SLIT1: variants seen among roughly 807,000 people sequenced by gnomAD.
SLIT1 encodes slit guidance ligand 1, also known as slit homolog 1 protein.
SLIT1 carries 66 observed loss-of-function variants against 186.1 expected under a neutral mutation model. The observed-to-expected ratio is 0.35, with a 90% CI of 0.29 to 0.44. The LOEUF is 0.44. Among genes scored for constraint, SLIT1 ranks in the 20% least tolerant of loss-of-function variants. SLIT1 has a pLI of 1.00. For synonymous variants in SLIT1, 761 were observed against 833.8 expected (o/e 0.91, Z 1.50); for missense variants, 1,638 against 2,037.4 (o/e 0.80, Z 3.77).
chr10:97,097,855 G>T (rs117172728), intron 4 of SLIT1, among the ~76,000 whole-genome samples: 80 of 152,276 alleles, frequency 5.3e-4, no homozygotes, highest in East Asian at 3.7e-3. Context: ...ATCAGTCCTC[G>T]TACTTCTCTG....
chr10:97,074,914 G>A (rs569616198), intron 4 of SLIT1, among the ~76,000 whole-genome samples: 1 of 152,348 alleles, frequency 6.6e-6, no homozygotes, highest in African/African-American at 2.4e-5. Context: ...CTGCCTTCAC[G>A]CTCTAACCTG....
At position 97,068,842 on chromosome 10, in the gene SLIT1, C is replaced by T. The variant is rs1006782176; in HGVS notation, c.414-2756G>A. On this transcript the variant is annotated intron_variant, in intron 4 of 36. Coordinates refer to ENST00000266058, the MANE Select transcript of SLIT1 (RefSeq NM_003061.3). This position sits in a 1 kb window ranked among gnomAD's most constrained non-coding sequence, Gnocchi z 4.2. ...CCATTTAGGCTACTCCCCAGAGGGC[C>T]CCCAGTGGCCTACTCCCCGATGCCT... Among the ~76,000 whole-genome samples, 2 of 152,202 alleles carry T rather than the reference C, an allele frequency of 1.3e-5. No individual in the cohort carries two copies. Among genetic ancestry groups the T allele is most frequent in the Non-Finnish European group, 2.9e-5 (2 of 68,038 alleles).
intron 13 of SLIT1, 135 bp downstream of exon 13, chr10:97,056,186 G>T: frequency 1.1e-6 from 1 of 916,716 alleles, no homozygotes; most frequent in Non-Finnish European, 1.7e-6. Flanking sequence ...CCAGGTCTGT[G>T]TCCTTCCTCT....
Position 97,097,934 on chromosome 10 carries a change from C to T in SLIT1, c.414-31848G>A, listed in dbSNP as rs191461916. On this transcript the variant is annotated intron_variant, in intron 4 of 36. Coordinates refer to ENST00000266058, the MANE Select transcript of SLIT1 (RefSeq NM_003061.3). ...CAGAGTGCTTCCTTTCACTTCCACA[C>T]GTACATTTGCAATCACCAGCCTAAC... Among the ~76,000 whole-genome samples, 912 of 152,322 alleles carry T rather than the reference C, an allele frequency of 6.0e-3. 9 individuals carry two copies. The highest frequency in any genetic ancestry group is 0.021 in the African/African-American group (885 of 41,570).
rs1293484856 is a variant in SLIT1 at position 97,006,537 on chromosome 10, A to G, written c.3525T>C (p.Thr1175=). ...TTTGCAGGTCAGTGAACTGCAGGTA[A>G]GTGTCCCGATCCACAAAGTTGACAC... ...LLSVNFVDRD[T]YLQFTDLQNW... is the part of the protein sequence containing the mutation. Residue 1175 remains threonine, a synonymous_variant, in exon 32 of 37, where the codon ACT becomes ACC. Transcript: ENST00000266058. The surrounding 1 kb of genome is among the most constrained non-coding windows in gnomAD (Gnocchi z 4.0). 1 of 1,614,110 alleles carries G rather than the reference A, an allele frequency of 6.2e-7. No individual in the cohort carries two copies. Among genetic ancestry groups the G allele is most frequent in the Non-Finnish European group, 8.5e-7 (1 of 1,180,044 alleles).
rs986604592 is a variant in SLIT1, at chr10:97,068,685, C to T, written c.414-2599G>A. ...GTGGGGGAAGCTTCCTCCTCCCGCA[C>T]TCGCCCGGCCCCACCTTCCCTTCCT... On this transcript the variant is annotated intron_variant, in intron 4 of 36. Coordinates refer to ENST00000266058, the MANE Select transcript of SLIT1 (RefSeq NM_003061.3). This position sits in a 1 kb window ranked among gnomAD's most constrained non-coding sequence, Gnocchi z 4.2. 6.6e-6 allele frequency among the ~76,000 whole-genome samples: 1 copy of T among 152,330 alleles called. No homozygotes were observed. Among genetic ancestry groups the T allele is most frequent in the South Asian group, 2.1e-4 (1 of 4,830 alleles).
chr10:97,081,612 A>G (rs1849105800), intron 4 of SLIT1, among the ~76,000 whole-genome samples: 1 of 152,184 alleles, frequency 6.6e-6, no homozygotes, highest in African/African-American at 2.4e-5. Context: ...CTTCCCCAGG[A>G]TATCTGCAGC....
At chr10:97,134,833 C>T (rs557198747) in intron 4 of SLIT1, among the ~76,000 whole-genome samples, 2 of 152,172 alleles carry the variant, frequency 1.3e-5, no homozygotes, top group South Asian at 2.1e-4. Context: ...GATGAGGACG[C>T]GGGCTTTGCC....
intron 4 of SLIT1, among the ~76,000 whole-genome samples, chr10:97,097,496 C>G (rs901382653): frequency 6.6e-6 from 1 of 152,152 alleles, no homozygotes; most frequent in Non-Finnish European, 1.5e-5. Flanking sequence ...GAGGTGAGAA[C>G]GATGCTTCTG....
Position 97,046,674 on chromosome 10 carries a change from A to T in SLIT1, c.1833T>A (p.Gly611=). 1 of 1,609,322 alleles carries T rather than the reference A, an allele frequency of 6.2e-7. No individual in the cohort carries two copies. The highest frequency in any genetic ancestry group is 8.5e-7 in the Non-Finnish European group (1 of 1,179,876). ...CTCACAGGGTCCTCAAGCCATCCAG[A>T]CCCCGGAACATGCCGCTCCGGATGG... ...LESIRSGMFR[G]LDGLRTLMLR... Residue 611 remains glycine (G), a synonymous_variant, in exon 18 of 37, where the codon GGT becomes GGA. Transcript: ENST00000266058.
intron 4 of SLIT1, chr10:97,154,851 C>T (rs1043878798): frequency 6.6e-6 from 1 of 152,246 alleles, no homozygotes; most frequent in Non-Finnish European, 1.5e-5. Context: ...ATTTAATACT[C>T]ATTAAAATAT....
At chr10:97,076,524 C>G (rs1300501213) in intron 4 of SLIT1, among the ~76,000 whole-genome samples, 1 of 152,184 alleles carries the variant, frequency 6.6e-6, no homozygotes, top group Non-Finnish European at 1.5e-5. Flanking sequence ...GTACCCCTCC[C>G]TGCCTGCTCT....
intron 4 of SLIT1, among the ~76,000 whole-genome samples, chr10:97,093,424 A>T (rs936759866): frequency 2.6e-5 from 4 of 152,218 alleles, no homozygotes; most frequent in African/African-American, 9.6e-5. Flanking sequence ...TGAACAAAAA[A>T]ACTTCCAGAA....
chr10:97,047,948 G>T, intron 15 of SLIT1, 25 bp downstream of exon 15: 5 of 1,613,976 alleles, frequency 3.1e-6, no homozygotes, highest in Non-Finnish European at 4.2e-6. Flanking sequence ...CGCCAGGCTG[G>T]CCTTGGATCC....
chr10:97,080,106 C>G (rs1283815973), intron 4 of SLIT1, among the ~76,000 whole-genome samples: 1 of 152,148 alleles, frequency 6.6e-6, no homozygotes, highest in Admixed American at 6.5e-5. Flanking sequence ...GCCTGCAAAG[C>G]CCTTTGCATC....
chr10:97,181,804 C>G (rs1260382856), intron 1 of SLIT1, among the ~76,000 whole-genome samples: 2 of 152,220 alleles, frequency 1.3e-5, no homozygotes, highest in African/African-American at 4.8e-5. Flanking sequence ...AACTTACCCT[C>G]TCTGCACAAG....
In SLIT1 at chr10:97,056,304, G is replaced by A; in HGVS notation, c.1301+17C>T. The A allele has an allele frequency of 6.2e-7, 1 of 1,613,446 alleles. No homozygotes were observed. Among genetic ancestry groups the A allele is most frequent in the Non-Finnish European group, 8.5e-7 (1 of 1,179,460 alleles). ...ACCTGCTGGGAGGGGAGAAGAAGAA[G>A]GCATCAGGGCACTCACAGAGTCTGG... On this transcript the variant is annotated intron_variant, in intron 13 of 36. Transcript: ENST00000266058.
chr10:97,114,190 C>T (rs190121075), intron 4 of SLIT1, among the ~76,000 whole-genome samples: 25 of 152,272 alleles, frequency 1.6e-4, no homozygotes, highest in Non-Finnish European at 2.9e-4. Context: ...GACAATTCAC[C>T]GCAACACTTA....
intron 4 of SLIT1, among the ~76,000 whole-genome samples, chr10:97,130,438 A>G (rs1010533567): frequency 7.2e-5 from 11 of 152,280 alleles, no homozygotes; most frequent in African/African-American, 2.7e-4. Flanking sequence ...AAGGAAGGAC[A>G]TTCTGACATA....
Sources: gnomAD v4.1 joint callset for allele counts (sites outside exome capture counted in the v4.1 genomes callset) on GRCh38, gnomAD v4.1.1 for gene constraint, Gnocchi (gnomAD v3.1) non-coding constraint, MANE v1.5 for transcripts, NCBI Gene and HGNC (gene_info 2026-07-23, HGNC 2026-07-21) for gene names.